RBPJ: variants seen among roughly 807,000 people sequenced by gnomAD.
RBPJ encodes recombining binding protein suppressor of hairless.
RBPJ carries 9 observed loss-of-function variants against 67.8 expected under a neutral mutation model. The observed-to-expected ratio is 0.13, with a 90% CI of 0.08 to 0.23. The LOEUF (loss-of-function observed/expected upper bound fraction) is 0.23, where lower values mean the gene tolerates loss of function less well. RBPJ is among the 10% of genes least tolerant of loss of function. RBPJ has a pLI of 1.00. For missense variants in RBPJ, 305 were observed against 595.6 expected (o/e 0.51, Z 5.08); for synonymous variants, 198 against 203.3 (o/e 0.97, Z 0.22).
chr4:26,424,634 A>G lies in RBPJ; in HGVS notation c.638A>G (p.Asp213Gly). 3 of 1,604,774 alleles carry G rather than the reference A, an allele frequency of 1.9e-6. No homozygotes were observed. The highest frequency in any genetic ancestry group is 2.6e-6 in the Non-Finnish European group (3 of 1,172,520). Residue 213 changes from aspartate (D) to glycine (G), a missense_variant, in exon 7 of 11, where the codon GAT (aspartate) becomes GGT (glycine). By Grantham distance (94) the Asp-to-Gly change is moderately conservative (BLOSUM62 -1). Coordinates refer to ENST00000355476, the MANE Select transcript of RBPJ (RefSeq NM_015874.6). This position sits in a 1 kb window ranked among gnomAD's most constrained non-coding sequence, Gnocchi z 5.3. ...TTTATTTTTCCACCTACTGCAGTGG[A>G]TGATGATGAATCAGAAGGAGAAGAA... Reference protein sequence around the residue: ...QWGAFFIHLLDDDESEGEEFT... With the variant: ...QWGAFFIHLLGDDESEGEEFT...
chr4:26,239,772 G>A (rs1719575194), intron 1 of RBPJ, among the ~76,000 whole-genome samples: 1 of 150,814 alleles, frequency 6.6e-6, no homozygotes, highest in Non-Finnish European at 1.5e-5. Flanking sequence ...AGAGACCTGG[G>A]TAGAGTTAAA....
chr4:26,111,695 G>T, the RBPJ span, among the ~76,000 whole-genome samples: 3 of 152,194 alleles, frequency 2.0e-5, no homozygotes, highest in African/African-American at 7.2e-5. Flanking sequence ...AGCCATTGAA[G>T]TGTGTGTGCA....
chr4:26,383,120 C>T (rs1339117181), intron 1 of RBPJ, among the ~76,000 whole-genome samples: 1 of 152,096 alleles, frequency 6.6e-6, no homozygotes, highest in African/African-American at 2.4e-5. Flanking sequence ...AAATACTGTC[C>T]AGACTCAACA....
intron 1 of RBPJ, among the ~76,000 whole-genome samples, chr4:26,271,862 C>G (rs895309038): frequency 1.3e-5 from 2 of 152,180 alleles, no homozygotes; most frequent in African/African-American, 4.8e-5. Flanking sequence ...CACACACACA[C>G]GTGCATGCAC....
chr4:26,400,539 A>G (rs1222241172), intron 2 of RBPJ, among the ~76,000 whole-genome samples: 1 of 152,218 alleles, frequency 6.6e-6, no homozygotes, highest in Non-Finnish European at 1.5e-5. Flanking sequence ...TTTAGAGTAT[A>G]TCGTCTTGTT....
chr4:26,109,476 A>C, the RBPJ span, among the ~76,000 whole-genome samples: 9 of 60,888 alleles, frequency 1.5e-4, 2 homozygotes, highest in Non-Finnish European at 6.3e-5. Context: ...ATATATATAT[A>C]TATATATATA....
chr4:26,143,567 G>T, the RBPJ span, among the ~76,000 whole-genome samples: 11 of 152,328 alleles, frequency 7.2e-5, no homozygotes, highest in African/African-American at 2.4e-4. Flanking sequence ...GTGACTAAAA[G>T]ATTGTTATTT....
intron 1 of RBPJ, among the ~76,000 whole-genome samples, chr4:26,261,290 C>A (rs1720523985): frequency 6.6e-6 from 1 of 151,824 alleles, no homozygotes; most frequent in Admixed American, 6.6e-5. Context: ...AGAGACTCCT[C>A]AGCTGGAGGG....
intron 4 of RBPJ, among the ~76,000 whole-genome samples, chr4:26,416,563 T>C (rs1734611332): frequency 6.6e-6 from 1 of 152,230 alleles, no homozygotes; most frequent in Non-Finnish European, 1.5e-5. Flanking sequence ...GATAGTTTTT[T>C]ATTCACTTAG....
chr4:26,244,320 T>A (rs1719812625), intron 1 of RBPJ, among the ~76,000 whole-genome samples: 2 of 151,634 alleles, frequency 1.3e-5, no homozygotes, highest in African/African-American at 2.4e-5. Context: ...TGTGTGTATA[T>A]GTATACACAT....
intron 1 of RBPJ, among the ~76,000 whole-genome samples, chr4:26,335,191 A>ATTG (rs1224064452): frequency 1.3e-5 from 2 of 151,724 alleles, no homozygotes; most frequent in African/African-American, 2.4e-5. Context: ...TATTATTATT[A>ATTG]TTGTTTTCGA....
At position 26,389,625 on chromosome 4, in the gene RBPJ, A is replaced by G. The variant is rs186798561; in HGVS notation, c.59+3234A>G. Among the ~76,000 whole-genome samples, 109 of 151,184 alleles carry G rather than the reference A, an allele frequency of 7.2e-4. 1 individual carries two copies. The highest frequency in any genetic ancestry group is 3.4e-3 in the Middle Eastern group (1 of 294). On this transcript the variant is annotated intron_variant, in intron 2 of 10. Transcript: ENST00000355476. ...CAATATCAAGAACAAGAAAGGTGAC[A>G]TCACTATAGAGTCACAGATGTTTGA... is the stretch of plus-strand genomic sequence containing the variant.
At chr4:26,276,052 A>T (rs1428483632) in intron 1 of RBPJ, among the ~76,000 whole-genome samples, 2 of 151,410 alleles carry the variant, frequency 1.3e-5, no homozygotes, top group East Asian at 3.9e-4. Context: ...AGGTGGGTGG[A>T]TCACTTCAGG....
intron 1 of RBPJ, among the ~76,000 whole-genome samples, chr4:26,374,308 C>T (rs975946481): frequency 7.2e-5 from 11 of 152,162 alleles, no homozygotes; most frequent in Middle Eastern, 3.4e-3. Context: ...TTTACCCTTG[C>T]AAAATTTAGT....
At chr4:26,332,586 A>G (rs1280273996) in intron 1 of RBPJ, among the ~76,000 whole-genome samples, 5 of 152,216 alleles carry the variant, frequency 3.3e-5, no homozygotes, top group Admixed American at 3.3e-4. Context: ...TCACATCTGT[A>G]TAAAATAATC....
chr4:26,127,508 G>T, the RBPJ span, among the ~76,000 whole-genome samples: 2 of 152,196 alleles, frequency 1.3e-5, no homozygotes, highest in African/African-American at 4.8e-5. Context: ...TAGGCATCAG[G>T]CATGATGGCA....
chr4:26,119,980 G>T, the RBPJ span, among the ~76,000 whole-genome samples: 1 of 152,166 alleles, frequency 6.6e-6, no homozygotes. Context: ...TTATAGGTAG[G>T]TTCTCTTTCT....
upstream of RBPJ, among the ~76,000 whole-genome samples, chr4:26,317,683 ATG>A (rs1235889493): frequency 6.6e-6 from 1 of 152,158 alleles, no homozygotes; most frequent in African/African-American, 2.4e-5. Context: ...AGTATTTGGA[ATG>A]TGAGTATATT....
In RBPJ at chr4:26,424,903, C is replaced by T. The variant is rs1735484516; in HGVS notation, c.747+160C>T. On this transcript the variant is annotated intron_variant, in intron 7 of 10. Coordinates refer to ENST00000355476, the MANE Select transcript of RBPJ (RefSeq NM_015874.6). This position sits in a 1 kb window ranked among gnomAD's most constrained non-coding sequence, Gnocchi z 5.3. Reference sequence around the variant, plus strand: ...GTGCTGTTTATAATTGACAGTTATGCTCTACCTTATTTCAGAAATGCTTTA... The same window carrying T: ...GTGCTGTTTATAATTGACAGTTATGTTCTACCTTATTTCAGAAATGCTTTA... The T allele has an allele frequency of 1.9e-6, 1 of 519,218 alleles. No homozygotes were observed. The highest frequency in any genetic ancestry group is 3.4e-6 in the Non-Finnish European group (1 of 294,410). The allele number at this position is 519,218 out of a possible 1,614,324, so 32.2% of individuals were successfully genotyped here. A position where few individuals can be genotyped will look rare whatever the true frequency, so the allele number is the denominator to read the frequency against.
Sources: gnomAD v4.1 joint callset for allele counts (sites outside exome capture counted in the v4.1 genomes callset) on GRCh38, gnomAD v4.1.1 for gene constraint, Gnocchi (gnomAD v3.1) non-coding constraint, MANE v1.5 for transcripts, NCBI Gene and HGNC (gene_info 2026-07-23, HGNC 2026-07-21) for gene names.